The following PHF24 variants were observed in gnomAD, a reference collection of about 807,000 sequenced individuals.
PHF24 encodes PHD finger protein 24.
Under a neutral mutation model 42.6 loss-of-function variants are expected in PHF24, and 25 were observed. The observed-to-expected ratio is 0.59, with a 90% confidence interval of 0.43 to 0.82. The LOEUF (loss-of-function observed/expected upper bound fraction) is 0.82, where lower values mean the gene tolerates loss of function less well. Ranked by LOEUF, PHF24 falls within the 40% of genes least tolerant of loss-of-function variation. The pLI, the probability that PHF24 is intolerant of heterozygous loss-of-function variation, is 0.00. For synonymous variants in PHF24, 185 were observed against 204.8 expected (o/e 0.90, Z 0.83); for missense variants, 470 against 538.1 (o/e 0.87, Z 1.25).
At chr9:34,762,475 T>G in the PHF24 span, among the ~76,000 whole-genome samples, 1 of 150,466 alleles carries the variant, frequency 6.6e-6, no homozygotes, top group Non-Finnish European at 1.5e-5. Flanking sequence ...TCATGTGTTT[T>G]TTGGCTGCAT....
the PHF24 span, among the ~76,000 whole-genome samples, chr9:34,873,890 G>T: frequency 1.5e-4 from 23 of 152,120 alleles, no homozygotes; most frequent in Middle Eastern, 3.4e-3. Context: ...TTGAGCAGTG[G>T]TTTGTAGTTC....
the PHF24 span, among the ~76,000 whole-genome samples, chr9:34,667,610 C>T: frequency 6.6e-6 from 1 of 152,280 alleles, no homozygotes; most frequent in South Asian, 2.1e-4. Context: ...TGCTGTGGCT[C>T]TTGCTCTGGG....
chr9:34,935,720 G>C, the PHF24 span, among the ~76,000 whole-genome samples: 1 of 146,936 alleles, frequency 6.8e-6, no homozygotes. Flanking sequence ...TGGAATAAAG[G>C]AGTGTATTTG....
At chr9:34,863,909 A>G in the PHF24 span, among the ~76,000 whole-genome samples, 183 of 152,372 alleles carry the variant, frequency 1.2e-3, no homozygotes, top group African/African-American at 4.1e-3. Context: ...TAAACAGAGA[A>G]GGAATTCAGA....
the PHF24 span, chr9:34,723,544 C>G: frequency 6.4e-7 from 1 of 1,551,794 alleles, no homozygotes; most frequent in Non-Finnish European, 8.7e-7. Flanking sequence ...ACATGGAGTC[C>G]TCATGCCCTT....
chr9:34,978,432 T>C, exon 8 of PHF24: 1 of 301,970 alleles, frequency 3.3e-6, no homozygotes, highest in Non-Finnish European at 6.3e-6. Context: ...TTCAGAAGCC[T>C]GGTTCTTTTT....
At chr9:34,894,893 T>G in the PHF24 span, 1 of 396,706 alleles carries the variant, frequency 2.5e-6, no homozygotes, top group Non-Finnish European at 4.4e-6. Flanking sequence ...CCCAAGGAAG[T>G]CTTCCATGAG....
chr9:34,728,099 C>G, the PHF24 span: 1 of 1,551,300 alleles, frequency 6.4e-7, no homozygotes, highest in Non-Finnish European at 8.7e-7. Context: ...AACGGGGAGA[C>G]AGTGTTATAT....
At chr9:34,800,198 G>T in the PHF24 span, among the ~76,000 whole-genome samples, 1 of 152,156 alleles carries the variant, frequency 6.6e-6, no homozygotes, top group Non-Finnish European at 1.5e-5. Context: ...ACAGAGACAA[G>T]GCAGGGAGAC....
the PHF24 span, among the ~76,000 whole-genome samples, chr9:34,713,272 T>A: frequency 1.3e-5 from 2 of 152,216 alleles, no homozygotes; most frequent in Non-Finnish European, 2.9e-5. Context: ...AGGAAGATCC[T>A]GAAGCCCAAG....
At chr9:34,913,349 C>T in the PHF24 span, among the ~76,000 whole-genome samples, 1 of 152,136 alleles carries the variant, frequency 6.6e-6, no homozygotes, top group Non-Finnish European at 1.5e-5. Flanking sequence ...AGTGACCCCC[C>T]AAACAGGAAT....
the PHF24 span, among the ~76,000 whole-genome samples, chr9:34,780,635 T>C: frequency 6.6e-6 from 1 of 151,866 alleles, no homozygotes; most frequent in Non-Finnish European, 1.5e-5. Flanking sequence ...CGAAGAAAAA[T>C]AGGTAAATTT....
chr9:34,696,259 G>A, the PHF24 span, among the ~76,000 whole-genome samples: 1 of 152,012 alleles, frequency 6.6e-6, no homozygotes, highest in Non-Finnish European at 1.5e-5. Flanking sequence ...AGGCTGTGGG[G>A]GGCAGATCAC....
the PHF24 span, among the ~76,000 whole-genome samples, chr9:34,686,193 G>A: frequency 1.3e-5 from 2 of 152,186 alleles, no homozygotes; most frequent in Non-Finnish European, 2.9e-5. Context: ...GCACTTGCAG[G>A]AAATTTCCCA....
the PHF24 span, among the ~76,000 whole-genome samples, chr9:34,710,696 G>A: frequency 6.6e-6 from 1 of 151,646 alleles, no homozygotes; most frequent in East Asian, 1.9e-4. Context: ...CTAGTCTTGA[G>A]CTCCTGGGCT....
the PHF24 span, among the ~76,000 whole-genome samples, chr9:34,847,067 T>A: frequency 6.6e-6 from 1 of 152,216 alleles, no homozygotes; most frequent in African/African-American, 2.4e-5. Flanking sequence ...GGCTTAGGAT[T>A]GACTTGGTGA....
At chr9:34,930,453 T>C in the PHF24 span, among the ~76,000 whole-genome samples, 29,380 of 152,170 alleles carry the variant, frequency 0.19, 2,930 homozygotes, top group South Asian at 0.25. Context: ...GTGGGCCTGG[T>C]GTCCTAAATA....
the PHF24 span, among the ~76,000 whole-genome samples, chr9:34,836,864 A>T: frequency 2.0e-5 from 3 of 152,278 alleles, no homozygotes; most frequent in South Asian, 6.2e-4. Context: ...AACTACTGTG[A>T]CCCTGCCCCA....
At chr9:34,906,394 G>A in the PHF24 span, among the ~76,000 whole-genome samples, 1 of 152,126 alleles carries the variant, frequency 6.6e-6, no homozygotes, top group African/African-American at 2.4e-5. Context: ...TACATGGATT[G>A]AGAGATTCTT....
Sources: allele counts gnomAD v4.1 joint callset (sites outside exome capture counted in the v4.1 genomes callset), GRCh38; gene constraint gnomAD v4.1.1; transcripts MANE v1.5; gene names NCBI Gene and HGNC (gene_info 2026-07-23, HGNC 2026-07-21).